The following TFG variants were observed in gnomAD, a reference collection of about 807,000 sequenced individuals.
TFG encodes the protein protein TFG.
In TFG, 22 loss-of-function variants were observed where a neutral mutation model predicts 51.4. The ratio of observed to expected loss-of-function variants is 0.43; its 90% confidence interval spans 0.31 to 0.61. The LOEUF (loss-of-function observed/expected upper bound fraction) is 0.61, where lower values mean the gene tolerates loss of function less well. Among genes scored for constraint, TFG ranks in the 20% least tolerant of loss-of-function variants. TFG has a pLI of 0.12. For missense variants in TFG, 419 were observed against 487.7 expected, an observed-to-expected ratio of 0.86 and a Z score of 1.33; for synonymous variants, 187 against 165.6, an observed-to-expected ratio of 1.13 and a Z score of -0.99.
chr3:100,712,082 T>G (rs189027146), intron 1 of TFG, among the ~76,000 whole-genome samples: 1 of 152,304 alleles, frequency 6.6e-6, no homozygotes, highest in Admixed American at 6.5e-5. Flanking sequence ...TGCATTGACC[T>G]TAGAGTGTTA....
At chr3:100,721,876 C>T (rs1038612577) in intron 3 of TFG, among the ~76,000 whole-genome samples, 3 of 152,190 alleles carry the variant, frequency 2.0e-5, no homozygotes, top group African/African-American at 4.8e-5. Flanking sequence ...AGCAGCCGGC[C>T]GTGGTGGCTC....
At position 100,712,044 on chromosome 3, in the gene TFG, C is replaced by T. The variant is rs555040159; in HGVS notation, c.-43-1599C>T. On this transcript the variant is annotated intron_variant, in intron 1 of 7. Coordinates refer to ENST00000240851, the MANE Select transcript of TFG (RefSeq NM_006070.6). ...TTGCATTAAGATAAGCATGGCATCC[C>T]TAGAGTGGAATGCAGTTCACTCTGT... Among the ~76,000 whole-genome samples the T allele has an allele frequency of 3.4e-4, 52 of 152,170 alleles. 1 individual carries two copies. In the South Asian group the frequency reaches 9.5e-3, roughly 28 times the overall value.
intron 2 of TFG, among the ~76,000 whole-genome samples, chr3:100,719,389 C>G (rs2095054771): frequency 6.6e-6 from 1 of 152,192 alleles, no homozygotes; most frequent in South Asian, 2.1e-4. Flanking sequence ...CATTCTTTAT[C>G]CCTGAGATCT....
At chr3:100,714,079 T>C (rs980390102) in intron 2 of TFG, among the ~76,000 whole-genome samples, 1 of 151,968 alleles carries the variant, frequency 6.6e-6, no homozygotes, top group African/African-American at 2.4e-5. Flanking sequence ...TCTTAAGTAT[T>C]GTATGTGTTA....
chr3:100,713,907 TA>T lies in TFG; in HGVS notation c.184+55del, dbSNP rs374210483. The T allele has an allele frequency of 0.19, 166,396 of 871,076 alleles. 1,035 individuals are homozygous for T. The highest frequency in any genetic ancestry group is 0.23 in the East Asian group (6,298 of 27,392). The allele number at this position is 871,076 out of a possible 1,614,324, so 54.0% of individuals were successfully genotyped here. A position where few individuals can be genotyped will look rare whatever the true frequency, so the allele number is the denominator to read the frequency against. On this transcript the variant is annotated intron_variant, in intron 2 of 7. Coordinates refer to ENST00000240851, the MANE Select transcript of TFG (RefSeq NM_006070.6). ...TTAAAGCTATTTTTTAAAGTCTTTT[TA>T]AAAAAAAAAAAAAAAAGACAGAGCC...
At position 100,739,470 on chromosome 3, in the gene TFG, G is replaced by T. The variant is rs1344728194; in HGVS notation, c.721+2754G>T. Among the ~76,000 whole-genome samples the T allele has an allele frequency of 2.0e-5, 3 of 152,068 alleles. No homozygotes were observed. In the East Asian group the frequency reaches 5.8e-4, roughly 29 times the overall value. On this transcript the variant is annotated intron_variant, in intron 6 of 7. Coordinates refer to ENST00000240851, the MANE Select transcript of TFG (RefSeq NM_006070.6). ...TGTTACAGGAAGACTATGTGATGTT[G>T]CCAGAAATGTAACTGGTAAGGAGAA...
Position 100,748,173 on chromosome 3 carries a change from C to T in TFG, c.845C>T (p.Pro282Leu). 2 of 1,613,876 alleles carry T rather than the reference C, an allele frequency of 1.2e-6. No individual in the cohort carries two copies. Among genetic ancestry groups the T allele is most frequent in the Non-Finnish European group, 1.7e-6 (2 of 1,179,924 alleles). Residue 282 changes from proline (P) to leucine (L), a missense_variant, in exon 8 of 8, where the codon CCT (proline) becomes CTT (leucine). By Grantham distance (98) the Pro-to-Leu change is moderately conservative. Transcript: ENST00000240851. ...YSASYSQQTG[P>L]QQPQQFQGYG... ...GCAAGCTATAGTCAGCAGACTGGAC[C>T]TCAACAACCTCAGCAGTTCCAGGGA...
intron 3 of TFG, among the ~76,000 whole-genome samples, chr3:100,727,748 G>A (rs1301607978): frequency 6.6e-6 from 1 of 152,126 alleles, no homozygotes; most frequent in Non-Finnish European, 1.5e-5. Context: ...CTGGCATTTT[G>A]TGGCTTATAT....
chr3:100,742,077 T>C (rs1329803781), intron 6 of TFG, among the ~76,000 whole-genome samples: 1 of 152,240 alleles, frequency 6.6e-6, no homozygotes, highest in Non-Finnish European at 1.5e-5. Context: ...ATATATCCTA[T>C]AGATCTCTCA....
chr3:100,735,405 C>T (rs1167978773), intron 5 of TFG, among the ~76,000 whole-genome samples: 2 of 152,180 alleles, frequency 1.3e-5, no homozygotes, highest in South Asian at 2.1e-4. Context: ...TAAGCTTTTG[C>T]TGTATAATTC....
intron 3 of TFG, among the ~76,000 whole-genome samples, chr3:100,727,378 T>C (rs1370105802): frequency 6.6e-6 from 1 of 150,808 alleles, no homozygotes. Context: ...CTGTGAGTTT[T>C]CTTCTAAAAG....
intron 3 of TFG, among the ~76,000 whole-genome samples, chr3:100,723,136 C>T (rs2095065381): frequency 6.6e-6 from 1 of 151,384 alleles, no homozygotes; most frequent in African/African-American, 2.4e-5. Context: ...CAATTTGGGA[C>T]AAAAATACTG....
chr3:100,729,957 T>C (rs1193720943), intron 4 of TFG, among the ~76,000 whole-genome samples: 1 of 152,168 alleles, frequency 6.6e-6, no homozygotes, highest in East Asian at 1.9e-4. Context: ...ATTTGCTGAA[T>C]ACTATAATGA....
intron 1 of TFG, chr3:100,710,266 C>T (rs2095026646): frequency 1.3e-5 from 2 of 152,220 alleles, no homozygotes; most frequent in Non-Finnish European, 2.9e-5. Flanking sequence ...TTCTAGCTAA[C>T]TTTAAGAGTT....
chr3:100,729,241 T>A (rs893771335), intron 4 of TFG, among the ~76,000 whole-genome samples: 1 of 152,212 alleles, frequency 6.6e-6, no homozygotes, highest in Non-Finnish European at 1.5e-5. Flanking sequence ...ACCTTGGGAA[T>A]TGAAAATCAT....
chr3:100,715,386 C>T (rs2095042834), intron 2 of TFG, among the ~76,000 whole-genome samples: 1 of 152,202 alleles, frequency 6.6e-6, no homozygotes, highest in South Asian at 2.1e-4. Flanking sequence ...TATGTCATTT[C>T]TGCCCTTATG....
At position 100,748,592 on chromosome 3, in the gene TFG, T is replaced by G; in HGVS notation, c.*61T>G. Reference sequence around the variant, plus strand: ...CTATTGGCCTCCCAAAAGACTCCAGTACTATTTTAATTTGTATTGAAGAAG... The same window carrying G: ...CTATTGGCCTCCCAAAAGACTCCAGGACTATTTTAATTTGTATTGAAGAAG... On this transcript the variant is annotated 3_prime_UTR_variant, in exon 8 of 8. Coordinates refer to ENST00000240851, the MANE Select transcript of TFG (RefSeq NM_006070.6). The G allele has an allele frequency of 6.7e-7, 1 of 1,485,158 alleles. No individual in the cohort carries two copies. Among genetic ancestry groups the G allele is most frequent in the Non-Finnish European group, 9.0e-7 (1 of 1,109,110 alleles). 92.0% of individuals were successfully genotyped at this position (1,485,158 alleles called of 1,614,324 possible). A position where few individuals can be genotyped will look rare whatever the true frequency, so the allele number is the denominator to read the frequency against.
chr3:100,711,243 C>G (rs1265976347), intron 1 of TFG, among the ~76,000 whole-genome samples: 1 of 152,110 alleles, frequency 6.6e-6, no homozygotes, highest in Non-Finnish European at 1.5e-5. Flanking sequence ...TCTGGGATTA[C>G]AGGCGTGCGC....
chr3:100,735,703 G>A (rs1458363593), intron 5 of TFG, among the ~76,000 whole-genome samples: 2 of 152,130 alleles, frequency 1.3e-5, no homozygotes, highest in East Asian at 3.8e-4. Flanking sequence ...TTTTTTGACT[G>A]TCACAGCATT....
Sources: gnomAD v4.1 joint callset for allele counts (sites outside exome capture counted in the v4.1 genomes callset) on GRCh38, gnomAD v4.1.1 for gene constraint, MANE v1.5 for transcripts, NCBI Gene and HGNC (gene_info 2026-07-23, HGNC 2026-07-21) for gene names.